The following LRRFIP2 variants were observed in gnomAD, a reference collection of about 807,000 sequenced individuals.
The protein encoded by LRRFIP2 is LRR binding FLII interacting protein 2, also known as leucine-rich repeat flightless-interacting protein 2.
Under a neutral mutation model 125.9 loss-of-function variants are expected in LRRFIP2, and 109 were observed. That is an observed-to-expected ratio of 0.87 (90% confidence interval 0.74 to 1.01). The LOEUF is 1.01. LRRFIP2 is among the 50% of genes least tolerant of loss of function. The pLI is 0.00. For missense variants in LRRFIP2, 850 were observed against 862.3 expected, an observed-to-expected ratio of 0.99 and a Z score of 0.18; for synonymous variants, 291 against 293.1, an observed-to-expected ratio of 0.99 and a Z score of 0.07.
At chr3:37,165,359 AC>A (rs1553836472) in intron 1 of LRRFIP2, among the ~76,000 whole-genome samples, 1 of 129,286 alleles carries the variant, frequency 7.7e-6, no homozygotes, top group South Asian at 3.0e-4. Context: ...CCCGAAACCA[AC>A]CCCCCCACCC....
At chr3:37,163,834 CT>C (rs1475856288) in intron 1 of LRRFIP2, among the ~76,000 whole-genome samples, 2 of 152,104 alleles carry the variant, frequency 1.3e-5, no homozygotes, top group African/African-American at 4.8e-5. Context: ...TTAAAATAGG[CT>C]TGTGATTTCC....
chr3:37,079,006 C>CT (rs1157494398), intron 19 of LRRFIP2, among the ~76,000 whole-genome samples: 2 of 152,046 alleles, frequency 1.3e-5, no homozygotes, highest in Admixed American at 6.6e-5. Context: ...CAACCAATTC[C>CT]TTTTTTTGAA....
intron 24 of LRRFIP2, among the ~76,000 whole-genome samples, chr3:37,059,437 T>C (rs1307596813): frequency 6.6e-6 from 1 of 152,194 alleles, no homozygotes; most frequent in Non-Finnish European, 1.5e-5. Flanking sequence ...GAGCAGTTTT[T>C]TGTTGTTTAC....
At chr3:37,104,310 T>C (rs2094210961) in intron 14 of LRRFIP2, among the ~76,000 whole-genome samples, 1 of 152,164 alleles carries the variant, frequency 6.6e-6, no homozygotes, top group African/African-American at 2.4e-5. Flanking sequence ...GTAGTAGAAG[T>C]GGATACAAGC....
chr3:37,101,680 AAAAAG>A (rs1335558633), intron 15 of LRRFIP2, among the ~76,000 whole-genome samples: 4 of 149,806 alleles, frequency 2.7e-5, no homozygotes, highest in African/African-American at 1.0e-4. Flanking sequence ...AAAAAAAAAA[AAAAAG>A]AAGAAGAAGA....
At chr3:37,155,127 GT>G (rs933404541) in intron 1 of LRRFIP2, among the ~76,000 whole-genome samples, 35 of 152,302 alleles carry the variant, frequency 2.3e-4, no homozygotes, top group African/African-American at 8.2e-4. Context: ...ACCACTTCCT[GT>G]GTTACCCTCC....
chr3:37,120,106 T>C (rs1053533113), intron 6 of LRRFIP2, among the ~76,000 whole-genome samples: 13 of 135,480 alleles, frequency 9.6e-5, no homozygotes, highest in African/African-American at 3.7e-4. Context: ...GTTAATATTC[T>C]TTTTTTTTTT....
At chr3:37,106,395 T>G (rs2149374605) in intron 13 of LRRFIP2, among the ~76,000 whole-genome samples, 1 of 152,300 alleles carries the variant, frequency 6.6e-6, no homozygotes, top group Non-Finnish European at 1.5e-5. Context: ...TATGTGTAGT[T>G]TATCTCCATT....
intron 2 of LRRFIP2, among the ~76,000 whole-genome samples, chr3:37,136,646 T>C (rs1239205075): frequency 6.6e-6 from 1 of 152,020 alleles, no homozygotes; most frequent in African/African-American, 2.4e-5. Flanking sequence ...ATAATATGCA[T>C]TATGAATCTC....
chr3:37,149,440 C>T (rs1474902997), intron 1 of LRRFIP2, among the ~76,000 whole-genome samples: 1 of 152,034 alleles, frequency 6.6e-6, no homozygotes, highest in Non-Finnish European at 1.5e-5. Context: ...TCACTTGAAC[C>T]TAGGAGGCGG....
Position 37,130,833 on chromosome 3 carries a change from CCTTT to C in LRRFIP2, c.91-1688_91-1685del, listed in dbSNP as rs1393508778. Among the ~76,000 whole-genome samples, 4 of 152,156 alleles carry C rather than the reference CCTTT, an allele frequency of 2.6e-5. No homozygotes were observed. In the East Asian group the frequency reaches 7.7e-4, roughly 29 times the overall value. Reference sequence around the variant, plus strand: ...GCCAAAGAGAAGCCACACAGTGCTTCCTTTAAGTGAAAAGGTGAACGTTCTACCT... The same window carrying C: ...GCCAAAGAGAAGCCACACAGTGCTTCAAGTGAAAAGGTGAACGTTCTACCT... On this transcript the variant is annotated intron_variant, in intron 2 of 27. Coordinates refer to ENST00000336686, the MANE Select transcript of LRRFIP2 (RefSeq NM_006309.4).
chr3:37,074,755 G>T (rs372256588), intron 20 of LRRFIP2, among the ~76,000 whole-genome samples: 1 of 151,944 alleles, frequency 6.6e-6, no homozygotes, highest in Non-Finnish European at 1.5e-5. Context: ...TTTTCCTTTT[G>T]CCCATTTCCT....
chr3:37,134,008 C>T (rs1236672914), intron 2 of LRRFIP2, among the ~76,000 whole-genome samples: 1 of 151,630 alleles, frequency 6.6e-6, no homozygotes, highest in Non-Finnish European at 1.5e-5. Flanking sequence ...ATGGTGAAAC[C>T]CCATCTCTAC....
chr3:37,127,756 C>T (rs2095322537), intron 3 of LRRFIP2, 76 bp from the exon 4 acceptor site: 3 of 1,120,604 alleles, frequency 2.7e-6, no homozygotes, highest in Non-Finnish European at 4.0e-6. Context: ...ATTAATCATA[C>T]ACATTTTCCC....
At chr3:37,167,196 C>CAAAAAA (rs1560175338) in intron 1 of LRRFIP2, among the ~76,000 whole-genome samples, 2 of 55,820 alleles carry the variant, frequency 3.6e-5, no homozygotes, top group African/African-American at 9.6e-5. Context: ...AATCTTGTCT[C>CAAAAAA]CAAAAAAAAA....
intron 1 of LRRFIP2, among the ~76,000 whole-genome samples, chr3:37,154,327 A>G (rs1467843822): frequency 6.6e-6 from 1 of 152,202 alleles, no homozygotes; most frequent in Non-Finnish European, 1.5e-5. Context: ...TTTCAACAAA[A>G]TGACAAAACT....
At chr3:37,095,512 C>A (rs566026614) in intron 16 of LRRFIP2, among the ~76,000 whole-genome samples, 33 of 152,206 alleles carry the variant, frequency 2.2e-4, no homozygotes, top group Non-Finnish European at 4.1e-4. Flanking sequence ...CCACATGCAG[C>A]TACTGAGCAC....
intron 1 of LRRFIP2, among the ~76,000 whole-genome samples, chr3:37,161,585 G>A (rs370186740): frequency 6.6e-5 from 10 of 152,242 alleles, no homozygotes; most frequent in African/African-American, 2.4e-4. Flanking sequence ...GACTGCTATG[G>A]TATGAAGTTT....
intron 15 of LRRFIP2, among the ~76,000 whole-genome samples, chr3:37,098,641 C>T (rs762367708): frequency 1.3e-5 from 2 of 152,066 alleles, no homozygotes; most frequent in African/African-American, 2.4e-5. Context: ...GATCCGCCCA[C>T]CTCAGCCTCC....
Sources: gnomAD v4.1 joint callset for allele counts (sites outside exome capture counted in the v4.1 genomes callset) on GRCh38, gnomAD v4.1.1 for gene constraint, MANE v1.5 for transcripts, NCBI Gene and HGNC (gene_info 2026-07-23, HGNC 2026-07-21) for gene names.